The following TCF4 variants were observed in gnomAD, a reference collection of about 807,000 sequenced individuals.
The protein encoded by TCF4 is transcription factor 4.
In TCF4, 3 loss-of-function variants were observed where a neutral mutation model predicts 82.1. The ratio of observed to expected loss-of-function variants is 0.04; its 90% CI spans 0.02 to 0.09. The LOEUF is 0.09. Ranked by LOEUF, TCF4 falls within the 10% of genes least tolerant of loss-of-function variation. The pLI, the probability that TCF4 is intolerant of heterozygous loss-of-function variation, is 1.00. For synonymous variants in TCF4, 276 were observed against 309.6 expected, an observed-to-expected ratio of 0.89 and a Z score of 1.14; for missense variants, 518 against 852.7, an observed-to-expected ratio of 0.61 and a Z score of 4.89.
intron 11 of TCF4, chr18:55,266,583 T>C (rs1002380227): frequency 2.6e-5 from 4 of 151,960 alleles, no homozygotes; most frequent in African/African-American, 9.7e-5. Context: ...TTGAGAAAAG[T>C]AGTGGACTGT....
At chr18:55,269,692 A>T in intron 11 of TCF4, 139 bp downstream of exon 11, 2 of 1,132,652 alleles carry the variant, frequency 1.8e-6, no homozygotes, top group Non-Finnish European at 2.6e-6. Flanking sequence ...TCTGTTTGGT[A>T]CATTTGTGTG....
At chr18:55,333,072 A>C (rs1400601824) in intron 8 of TCF4, among the ~76,000 whole-genome samples, 3 of 152,242 alleles carry the variant, frequency 2.0e-5, no homozygotes, top group African/African-American at 7.2e-5. Context: ...CAACATTCTT[A>C]ACAAAGAAAT....
intron 2 of TCF4, among the ~76,000 whole-genome samples, chr18:55,603,535 G>A (rs2097699356): frequency 6.6e-6 from 1 of 152,132 alleles, no homozygotes; most frequent in African/African-American, 2.4e-5. Context: ...ATATAGAATT[G>A]TCAAACCCAG....
At chr18:55,495,201 T>C (rs1467438425) in intron 3 of TCF4, among the ~76,000 whole-genome samples, 2 of 151,124 alleles carry the variant, frequency 1.3e-5, no homozygotes, top group African/African-American at 4.9e-5. Context: ...AAGTGACTTA[T>C]CAAAAACCTA....
chr18:55,406,046 A>G (rs2094067761), intron 5 of TCF4, among the ~76,000 whole-genome samples: 1 of 151,918 alleles, frequency 6.6e-6, no homozygotes, highest in South Asian at 2.1e-4. Context: ...CATGACATCA[A>G]TGGGCACCCG....
chr18:55,364,796 T>A (rs968611302), intron 6 of TCF4, among the ~76,000 whole-genome samples: 1 of 152,108 alleles, frequency 6.6e-6, no homozygotes, highest in East Asian at 1.9e-4. Context: ...TTTTTAAAAA[T>A]GTATAAGCTA....
chr18:55,424,102 T>A (rs2094889215), intron 5 of TCF4, among the ~76,000 whole-genome samples: 1 of 152,132 alleles, frequency 6.6e-6, no homozygotes, highest in Non-Finnish European at 1.5e-5. Flanking sequence ...CTGTCTGCCA[T>A]TAGAAATAGA....
At chr18:55,380,883 G>A (rs1027946025) in intron 6 of TCF4, among the ~76,000 whole-genome samples, 10 of 152,216 alleles carry the variant, frequency 6.6e-5, no homozygotes, top group African/African-American at 2.4e-4. Context: ...TGGTAGGAAA[G>A]TAGCGTTTCA....
intron 5 of TCF4, among the ~76,000 whole-genome samples, chr18:55,408,403 T>A (rs186390533): frequency 7.9e-5 from 12 of 152,164 alleles, no homozygotes; most frequent in Non-Finnish European, 7.4e-5. Flanking sequence ...TCTGTCCCCA[T>A]CCCCAGTCCC....
At chr18:55,313,609 A>G (rs1366191721) in intron 8 of TCF4, among the ~76,000 whole-genome samples, 1 of 152,154 alleles carries the variant, frequency 6.6e-6, no homozygotes, top group African/African-American at 2.4e-5. Context: ...CTGGCTGAAG[A>G]AAGTTTAGAT....
Position 55,350,401 on chromosome 18 carries a change from C to T in TCF4, c.507G>A (p.Gln169=), listed in dbSNP as rs764947898. Residue 169 remains glutamine, a synonymous_variant, in exon 8 of 20, where the codon CAG becomes CAA. Transcript: ENST00000354452. ...RPLHSSAMEV[Q]TKKVRKVPPG... is the part of the protein sequence containing the mutation. ...GAGGAACTTTTCGAACTTTCTTTGT[C>T]TGTACCTCTGAAAGAAAATGAAGAT... 6 of 1,613,422 alleles carry T rather than the reference C, an allele frequency of 3.7e-6. No homozygotes were observed. The highest frequency in any genetic ancestry group is 1.6e-4 in the Middle Eastern group (1 of 6,076).
At chr18:55,276,852 C>T (rs1041901358) in intron 9 of TCF4, among the ~76,000 whole-genome samples, 26 of 152,132 alleles carry the variant, frequency 1.7e-4, no homozygotes, top group African/African-American at 6.0e-4. Context: ...CACTGTATTT[C>T]GTGAAGCTCT....
chr18:55,454,537 T>C (rs1339353775), intron 5 of TCF4, among the ~76,000 whole-genome samples: 2 of 152,214 alleles, frequency 1.3e-5, no homozygotes, highest in Non-Finnish European at 2.9e-5. Flanking sequence ...GAGTTATTAT[T>C]TTATTTATCC....
At chr18:55,505,632 G>C (rs1603617050) in intron 3 of TCF4, among the ~76,000 whole-genome samples, 1 of 151,440 alleles carries the variant, frequency 6.6e-6, no homozygotes, top group Non-Finnish European at 1.5e-5. Context: ...GTGAAACCCC[G>C]TCTCTACTAA....
chr18:55,431,293 T>C (rs1228827223), intron 5 of TCF4, among the ~76,000 whole-genome samples: 1 of 152,140 alleles, frequency 6.6e-6, no homozygotes, highest in Non-Finnish European at 1.5e-5. Flanking sequence ...GTTTTTTGTT[T>C]TTTCAGACGG....
intron 6 of TCF4, among the ~76,000 whole-genome samples, chr18:55,375,015 T>A (rs2090388492): frequency 6.6e-6 from 1 of 151,086 alleles, no homozygotes; most frequent in Non-Finnish European, 1.5e-5. Context: ...AGCCAAGATG[T>A]CAACTAGGCA....
rs10654991 is a variant in TCF4 at position 55,622,150 on chromosome 18, T to TACACAC, written c.286+9142_286+9147dup. ...ATCCTTAGCCCTCATCCTTCAAGAT[T>TACACAC]ACACACACACACACACACACACGCA... On this transcript the variant is annotated intron_variant, in intron 2 of 20. Coordinates refer to the TCF4 transcript ENST00000398339. Among the ~76,000 whole-genome samples the TACACAC allele has an allele frequency of 9.7e-3, 1,359 of 139,532 alleles. 14 individuals are homozygous for TACACAC. The highest frequency in any genetic ancestry group is 0.025 in the African/African-American group (920 of 36,972). 91.5% of individuals were successfully genotyped at this position (139,532 alleles called of 152,430 possible). A position where few individuals can be genotyped will look rare whatever the true frequency, so the allele number is the denominator to read the frequency against.
intron 5 of TCF4, among the ~76,000 whole-genome samples, chr18:55,427,884 C>A (rs765265348): frequency 4.6e-5 from 7 of 152,208 alleles, no homozygotes; most frequent in Non-Finnish European, 8.8e-5. Context: ...GATTCTAAGA[C>A]TAAATACTTA....
At chr18:55,326,362 G>A (rs771398880) in intron 8 of TCF4, among the ~76,000 whole-genome samples, 2 of 126,894 alleles carry the variant, frequency 1.6e-5, no homozygotes, top group Non-Finnish European at 3.1e-5. Flanking sequence ...TGTCTCCTCT[G>A]CTGTTTCCTC....
Sources: allele counts gnomAD v4.1 joint callset (sites outside exome capture counted in the v4.1 genomes callset), GRCh38; gene constraint gnomAD v4.1.1; transcripts MANE v1.5; gene names NCBI Gene and HGNC (gene_info 2026-07-23, HGNC 2026-07-21).